Variants in LPIN1 observed in about 807,000 individuals in gnomAD.
The protein encoded by LPIN1 is phosphatidate phosphatase LPIN1.
A neutral mutation model predicts 107.5 loss-of-function variants in LPIN1; 71 were observed. The observed-to-expected ratio is 0.66, with a 90% CI of 0.55 to 0.80. The LOEUF (loss-of-function observed/expected upper bound fraction) is 0.80. LPIN1 is among the 30% of genes least tolerant of loss of function. The pLI, the probability that LPIN1 is intolerant of heterozygous loss-of-function variation, is 0.00. For synonymous variants in LPIN1, 445 were observed against 452.6 expected (o/e 0.98, Z 0.21); for missense variants, 1,043 against 1,160.6 (o/e 0.90, Z 1.47).
At chr2:11,753,038 T>A (rs912118009) in intron 1 of LPIN1, among the ~76,000 whole-genome samples, 5 of 152,180 alleles carry the variant, frequency 3.3e-5, no homozygotes, top group African/African-American at 1.2e-4. Flanking sequence ...GTCTGCTGTG[T>A]GCTGGAGTTC....
At chr2:11,681,061 G>A (rs1474317457) in intron 1 of LPIN1, among the ~76,000 whole-genome samples, 1 of 152,186 alleles carries the variant, frequency 6.6e-6, no homozygotes, top group African/African-American at 2.4e-5. Context: ...GTGACAGGCT[G>A]GACTGCAAAT....
rs536706265 is a variant in LPIN1 at position 11,765,292 on chromosome 2, G to A, written c.-9-241G>A. ...GGGCCGTGATGGACCCTGATGGGCT[G>A]TGATGGGCCGTGATGGACCCTGATG... On this transcript the variant is annotated intron_variant, in intron 1 of 20. Transcript: ENST00000674199. This position sits in a 1 kb window ranked among gnomAD's most constrained non-coding sequence, Gnocchi z 4.4. Among the ~76,000 whole-genome samples, 1 of 150,982 alleles carries A rather than the reference G, an allele frequency of 6.6e-6. No individual in the cohort carries two copies. The highest frequency in any genetic ancestry group is 2.1e-4 in the South Asian group (1 of 4,756).
upstream of LPIN1, among the ~76,000 whole-genome samples, chr2:11,746,345 C>T (rs1038454588): frequency 2.0e-5 from 3 of 152,166 alleles, no homozygotes; most frequent in African/African-American, 7.2e-5. Flanking sequence ...CGTCCTCACT[C>T]CCCCAGTCAT....
intron 1 of LPIN1, among the ~76,000 whole-genome samples, chr2:11,764,894 A>G (rs73917122): frequency 0.04 from 6,108 of 152,282 alleles, 404 homozygotes; most frequent in African/African-American, 0.14. Flanking sequence ...AAAAAGCTTC[A>G]TGGGACTGCA....
In LPIN1 at chr2:11,791,927, C is replaced by CT; in HGVS notation, c.1728dup (p.Ile577TyrfsTer5). 6.2e-7 allele frequency: 1 copy of CT among 1,613,760 alleles called. No homozygotes were observed. Among genetic ancestry groups the CT allele is most frequent in the Non-Finnish European group, 8.5e-7 (1 of 1,179,844 alleles). On this transcript the variant is annotated frameshift_variant, in exon 13 of 21. Coordinates refer to ENST00000674199, the MANE Select transcript of LPIN1 (RefSeq NM_001349206.2). LOFTEE classifies it high-confidence loss of function. ...CATTTAAAACAGGCCACTGTGGAAT[C>CT]TATCATGAGGGATAAAATGCCCAAA...
upstream of LPIN1, among the ~76,000 whole-genome samples, chr2:11,744,158 C>T (rs775697309): frequency 6.6e-6 from 1 of 152,248 alleles, no homozygotes; most frequent in Non-Finnish European, 1.5e-5. Context: ...CTTCCTCCTC[C>T]AGTCAGCTAG....
chr2:11,799,173 A>C (rs942686922), intron 14 of LPIN1, among the ~76,000 whole-genome samples: 1 of 152,108 alleles, frequency 6.6e-6, no homozygotes, highest in African/African-American at 2.4e-5. Context: ...CCAACTGCGC[A>C]TCTCGCATTT....
intron 1 of LPIN1, among the ~76,000 whole-genome samples, chr2:11,739,893 A>G (rs181320518): frequency 6.6e-6 from 1 of 152,356 alleles, no homozygotes; most frequent in East Asian, 1.9e-4. Context: ...AACCCTTTGT[A>G]TCAGGATTCT....
chr2:11,710,784 C>A (rs1663367493), intron 1 of LPIN1, among the ~76,000 whole-genome samples: 1 of 152,024 alleles, frequency 6.6e-6, no homozygotes, highest in Non-Finnish European at 1.5e-5. Context: ...TTTTGGCTTC[C>A]ACCGTGACTG....
intron 1 of LPIN1, among the ~76,000 whole-genome samples, chr2:11,734,799 T>C (rs946461122): frequency 3.3e-5 from 5 of 152,194 alleles, no homozygotes; most frequent in Non-Finnish European, 7.3e-5. Flanking sequence ...GAATTTACAG[T>C]GACATGTATA....
intron 1 of LPIN1, among the ~76,000 whole-genome samples, chr2:11,698,822 C>T (rs1351372824): frequency 6.6e-6 from 1 of 152,242 alleles, no homozygotes; most frequent in African/African-American, 2.4e-5. Flanking sequence ...AGCTGTCTCT[C>T]TGGTGTGTCA....
At chr2:11,727,745 C>G (rs1664801048) in intron 1 of LPIN1, among the ~76,000 whole-genome samples, 2 of 152,204 alleles carry the variant, frequency 1.3e-5, no homozygotes, top group African/African-American at 4.8e-5. Context: ...TTTGCAACTT[C>G]TTTCTCCAAC....
chr2:11,739,214 A>G (rs1471835108), intron 1 of LPIN1, among the ~76,000 whole-genome samples: 1 of 152,222 alleles, frequency 6.6e-6, no homozygotes, highest in Non-Finnish European at 1.5e-5. Context: ...TCCATGAGGC[A>G]AGAAATGGAG....
At chr2:11,790,864 C>A (rs1353135580) in intron 12 of LPIN1, among the ~76,000 whole-genome samples, 2 of 152,204 alleles carry the variant, frequency 1.3e-5, no homozygotes, top group Non-Finnish European at 2.9e-5. Context: ...TACTACTCTT[C>A]TGCCTGAGAA....
At chr2:11,706,914 T>G (rs912101610) in intron 1 of LPIN1, among the ~76,000 whole-genome samples, 24 of 152,156 alleles carry the variant, frequency 1.6e-4, no homozygotes, top group African/African-American at 5.8e-4. Flanking sequence ...GGAGAGAGGA[T>G]TCATAGCTTT....
At chr2:11,778,946 A>G (rs1157304566) in intron 6 of LPIN1, among the ~76,000 whole-genome samples, 2 of 152,184 alleles carry the variant, frequency 1.3e-5, no homozygotes, top group African/African-American at 2.4e-5. Context: ...ATCTTAGAAA[A>G]TTTCAACTTG....
At position 11,774,400 on chromosome 2, in the gene LPIN1, A is replaced by G. The variant is rs1467678595; in HGVS notation, c.722+655A>G. On this transcript the variant is annotated intron_variant, in intron 5 of 20. Coordinates refer to ENST00000674199, the MANE Select transcript of LPIN1 (RefSeq NM_001349206.2). The surrounding 1 kb of genome is among the most constrained non-coding windows in gnomAD (Gnocchi z 4.4). ...AAATAATATAACCCCCATTGGGATG[A>G]AAATTCATTCTTGGGTGGTGACAAA... Among the ~76,000 whole-genome samples, 1 of 152,196 alleles carries G rather than the reference A, an allele frequency of 6.6e-6. No individual in the cohort carries two copies. The highest frequency in any genetic ancestry group is 1.5e-5 in the Non-Finnish European group (1 of 68,022).
At chr2:11,799,340 AC>A (rs1677279833) in intron 14 of LPIN1, among the ~76,000 whole-genome samples, 2 of 151,768 alleles carry the variant, frequency 1.3e-5, no homozygotes, top group African/African-American at 4.8e-5. Context: ...ATCTGTTGTC[AC>A]CAAGAGCTTT....
At chr2:11,750,087 C>A (rs544957878) in intron 1 of LPIN1, among the ~76,000 whole-genome samples, 1 of 152,328 alleles carries the variant, frequency 6.6e-6, no homozygotes, top group East Asian at 1.9e-4. Context: ...GCCCCCCTCC[C>A]CTCCCCGGCC....
Sources: allele counts gnomAD v4.1 joint callset (sites outside exome capture counted in the v4.1 genomes callset), GRCh38; gene constraint gnomAD v4.1.1; non-coding constraint Gnocchi (gnomAD v3.1); transcripts MANE v1.5; gene names NCBI Gene and HGNC (gene_info 2026-07-23, HGNC 2026-07-21).